The following RBFOX1 variants were observed in gnomAD, a reference collection of about 807,000 sequenced individuals.
The protein encoded by RBFOX1 is RNA binding protein fox-1 homolog 1.
Under a neutral mutation model 57.7 loss-of-function variants are expected in RBFOX1, and 8 were observed. The ratio of observed to expected loss-of-function variants is 0.14; its 90% CI spans 0.08 to 0.25. The LOEUF (loss-of-function observed/expected upper bound fraction) is 0.25, where lower values mean the gene tolerates loss of function less well. Among genes scored for constraint, RBFOX1 ranks in the 10% least tolerant of loss-of-function variants. The pLI is 1.00. For synonymous variants in RBFOX1, 326 were observed against 222.4 expected, an observed-to-expected ratio of 1.47 and a Z score of -4.15; for missense variants, 611 against 548.5, an observed-to-expected ratio of 1.11 and a Z score of -1.14.
chr16:7,661,387 G>A (rs1052890469), intron 12 of RBFOX1, among the ~76,000 whole-genome samples: 6 of 152,182 alleles, frequency 3.9e-5, no homozygotes, highest in South Asian at 4.2e-4. Flanking sequence ...AAGCCAGAGC[G>A]TGGGTCTTCC....
At chr16:5,860,043 G>T (rs1199850179) in intron 3 of RBFOX1, among the ~76,000 whole-genome samples, 6 of 152,166 alleles carry the variant, frequency 3.9e-5, no homozygotes, top group Non-Finnish European at 1.5e-5. Flanking sequence ...TCAGCTGTGG[G>T]TGCCCAGAGA....
chr16:5,931,733 C>T (rs1178309032), intron 4 of RBFOX1, among the ~76,000 whole-genome samples: 3 of 152,000 alleles, frequency 2.0e-5, no homozygotes, highest in African/African-American at 7.3e-5. Context: ...CTGAAATGGC[C>T]CCTGAGATTC....
At chr16:6,968,658 C>G (rs12102313) in intron 3 of RBFOX1, among the ~76,000 whole-genome samples, 13 of 152,080 alleles carry the variant, frequency 8.5e-5, no homozygotes, top group South Asian at 2.1e-4. Flanking sequence ...CCACAGGACT[C>G]GAGGAAGCCC....
chr16:7,189,946 A>C (rs181570643), intron 4 of RBFOX1, among the ~76,000 whole-genome samples: 4 of 152,324 alleles, frequency 2.6e-5, no homozygotes, highest in African/African-American at 9.6e-5. Context: ...GCAAGACATC[A>C]ATTAGTGATG....
Position 7,411,953 on chromosome 16 carries a change from G to A in RBFOX1, c.28-106194G>A, listed in dbSNP as rs1176111361. On this transcript the variant is annotated intron_variant, in intron 4 of 15. Coordinates refer to ENST00000550418, the MANE Select transcript of RBFOX1 (RefSeq NM_018723.4). ...AGGGAAAATCTGAGAAACTATCACA[G>A]ACAAGAAGAAACTTCAGAGTCACGG... is the stretch of plus-strand genomic sequence containing the variant. 2.7e-5 allele frequency among the ~76,000 whole-genome samples: 4 copies of A among 146,104 alleles called. No homozygotes were observed. The East Asian group carries it at 8.1e-4, about 30-fold the overall frequency.
At chr16:7,294,098 A>G (rs1270626574) in intron 4 of RBFOX1, among the ~76,000 whole-genome samples, 1 of 152,148 alleles carries the variant, frequency 6.6e-6, no homozygotes, top group African/African-American at 2.4e-5. Context: ...GTTTGCCTTC[A>G]GGTTTGCTTG....
intron 4 of RBFOX1, among the ~76,000 whole-genome samples, chr16:7,298,563 A>T (rs1298201612): frequency 4.6e-5 from 7 of 152,130 alleles, no homozygotes; most frequent in Non-Finnish European, 7.4e-5. Context: ...AAGTGCCGGG[A>T]TTACAGGCAT....
chr16:6,830,631 C>A (rs1356314706), intron 3 of RBFOX1, among the ~76,000 whole-genome samples: 1 of 152,078 alleles, frequency 6.6e-6, no homozygotes, highest in African/African-American at 2.4e-5. Flanking sequence ...CTAAACATAC[C>A]ACAGTATATA....
At chr16:7,149,506 C>A (rs761438512) in intron 4 of RBFOX1, among the ~76,000 whole-genome samples, 1 of 134,288 alleles carries the variant, frequency 7.4e-6, no homozygotes. Flanking sequence ...TTTTTTTCCC[C>A]GACAGGGTCT....
At chr16:6,967,371 G>A (rs889469943) in intron 3 of RBFOX1, among the ~76,000 whole-genome samples, 1 of 152,162 alleles carries the variant, frequency 6.6e-6, no homozygotes, top group African/African-American at 2.4e-5. Context: ...CTTGAGCAGG[G>A]AAGAGATTAG....
chr16:7,682,994 C>CTA (rs2075149162), intron 14 of RBFOX1, among the ~76,000 whole-genome samples: 1 of 5,936 alleles, frequency 1.7e-4, no homozygotes, highest in African/African-American at 9.0e-4. Context: ...CTTAATACTT[C>CTA]TATGTGTGTG....
intron 1 of RBFOX1, among the ~76,000 whole-genome samples, chr16:5,310,805 G>A (rs2064066421): frequency 6.6e-6 from 1 of 152,276 alleles, no homozygotes; most frequent in Admixed American, 6.5e-5. Flanking sequence ...AGAAGGAAAA[G>A]TATAGTTTGT....
chr16:6,211,529 A>G (rs1287834282), intron 1 of RBFOX1, among the ~76,000 whole-genome samples: 4 of 152,024 alleles, frequency 2.6e-5, no homozygotes, highest in African/African-American at 9.7e-5. Context: ...CGCCCAGCCA[A>G]TCTAGTTAAC....
chr16:5,366,806 T>A (rs900014387), intron 1 of RBFOX1: 1 of 257,068 alleles, frequency 3.9e-6, no homozygotes, highest in Non-Finnish European at 7.5e-6. Context: ...TCGTGTTTGA[T>A]AAATGTTGTC....
At chr16:7,526,546 T>G (rs2078751982) in intron 5 of RBFOX1, among the ~76,000 whole-genome samples, 1 of 152,200 alleles carries the variant, frequency 6.6e-6, no homozygotes, top group Non-Finnish European at 1.5e-5. Flanking sequence ...GACGATGGAT[T>G]ACAGAACAAC....
At chr16:6,401,063 C>G (rs990241033) in intron 2 of RBFOX1, among the ~76,000 whole-genome samples, 1 of 152,242 alleles carries the variant, frequency 6.6e-6, no homozygotes, top group Admixed American at 6.5e-5. Flanking sequence ...TTCTAAATAT[C>G]ATTAATCATT....
chr16:7,208,141 G>A (rs1295213826), intron 4 of RBFOX1, among the ~76,000 whole-genome samples: 1 of 152,174 alleles, frequency 6.6e-6, no homozygotes, highest in Non-Finnish European at 1.5e-5. Context: ...TATCCCTGGA[G>A]TTTGGTTTTT....
chr16:7,330,472 CTG>C (rs71391624), intron 4 of RBFOX1, among the ~76,000 whole-genome samples: 2,629 of 94,270 alleles, frequency 0.028, 36 homozygotes, highest in Admixed American at 0.035. Context: ...ATGGAGAGCT[CTG>C]TGTGTGTGTG....
At chr16:7,079,011 G>C (rs1396205311) in intron 4 of RBFOX1, among the ~76,000 whole-genome samples, 2 of 151,624 alleles carry the variant, frequency 1.3e-5, no homozygotes, top group African/African-American at 4.9e-5. Context: ...TGAGGCACTG[G>C]GAGTTAGGGT....
Sources: allele counts gnomAD v4.1 joint callset (sites outside exome capture counted in the v4.1 genomes callset), GRCh38; gene constraint gnomAD v4.1.1; transcripts MANE v1.5; gene names NCBI Gene and HGNC (gene_info 2026-07-23, HGNC 2026-07-21).